Variants in UGGT2 observed in about 807,000 individuals in gnomAD.
The protein encoded by UGGT2 is UDP-glucose glycoprotein glucosyltransferase 2.
Under a neutral mutation model 192.1 loss-of-function variants are expected in UGGT2, and 180 were observed. That is an observed-to-expected ratio of 0.94 (90% confidence interval 0.83 to 1.06). The LOEUF (loss-of-function observed/expected upper bound fraction) is 1.06, where lower values mean the gene tolerates loss of function less well. UGGT2 is among the 50% of genes least tolerant of loss of function. The probability of loss-of-function intolerance (pLI) is 0.00; values close to 1 mark genes in which losing one functional copy is unlikely to be tolerated. For synonymous variants in UGGT2, 580 were observed against 591.0 expected, an observed-to-expected ratio of 0.98 and a Z score of 0.27; for missense variants, 1,849 against 1,795.7, an observed-to-expected ratio of 1.03 and a Z score of -0.54.
chr13:96,031,146 G>A (rs966081573), intron 2 of UGGT2, among the ~76,000 whole-genome samples: 26 of 152,074 alleles, frequency 1.7e-4, no homozygotes, highest in African/African-American at 5.6e-4. Flanking sequence ...TTATGTGTAG[G>A]GGAAGGGGGA....
At chr13:95,910,794 A>C (rs886893857) in intron 20 of UGGT2, among the ~76,000 whole-genome samples, 9 of 152,190 alleles carry the variant, frequency 5.9e-5, no homozygotes, top group African/African-American at 2.2e-4. Context: ...CATTCTTTGG[A>C]GCACCGCATT....
chr13:95,955,308 C>T (rs528420269), intron 12 of UGGT2, among the ~76,000 whole-genome samples: 6 of 152,230 alleles, frequency 3.9e-5, no homozygotes, highest in African/African-American at 7.2e-5. Context: ...TTACAAGTTA[C>T]GTGCACCTGG....
chr13:95,867,394 A>G lies in UGGT2; in HGVS notation c.3503T>C (p.Leu1168Pro). ...GTTTAATACAACAATGATATCTTCT[A>G]GGTCTGCTTGAGAGTCAGTTCCTTC... ...GHEGTDSQAD[L>P]EDIIVVLNSF... The change falls in exon 30 of 39, where the codon CTA becomes CCA. Residue 1168 changes from leucine (L) to proline (P), a missense_variant. Transcript: ENST00000376747. 6.2e-7 allele frequency: 1 copy of G among 1,609,036 alleles called. No homozygotes were observed. Among genetic ancestry groups the G allele is most frequent in the Non-Finnish European group, 8.5e-7 (1 of 1,178,218 alleles).
chr13:95,999,441 T>C lies in UGGT2; in HGVS notation c.661-134A>G, dbSNP rs2051727917. ...AAGGTTTTTAATCACTCTGAAAAAT[T>C]TGGGGGTTGTTTATATTGTCTCTAG... On this transcript the variant is annotated intron_variant, in intron 5 of 38. Transcript: ENST00000376747. 5 of 749,458 alleles carry C rather than the reference T, an allele frequency of 6.7e-6. No individual in the cohort carries two copies. In the Admixed American group the frequency reaches 7.6e-5, roughly 11 times the overall value. 46.4% of individuals were successfully genotyped at this position (749,458 alleles called of 1,614,324 possible).
At position 95,941,110 on chromosome 13, in the gene UGGT2, A is replaced by T. The variant is rs547185634; in HGVS notation, c.1678-1019T>A. ...CTTGAGTAGACGACTAAGCTGAGAC[A>T]TAAGTATGAACACTCAGCTAGCATT... On this transcript the variant is annotated intron_variant, in intron 15 of 38. Coordinates refer to ENST00000376747, the MANE Select transcript of UGGT2 (RefSeq NM_020121.4). 2.0e-5 allele frequency among the ~76,000 whole-genome samples: 3 copies of T among 152,336 alleles called. No homozygotes were observed. In the South Asian group the frequency reaches 6.2e-4, roughly 32 times the overall value.
In UGGT2 at chr13:96,023,606, A is replaced by AC. The variant is rs777572103; in HGVS notation, c.372+22dup. ...TTGCTAGCGTGCCTCTTTGTCAAAT[A>AC]CAGATTGGGTATTTTTACGCACCTG... On this transcript the variant is annotated intron_variant, in intron 3 of 38. Coordinates refer to ENST00000376747, the MANE Select transcript of UGGT2 (RefSeq NM_020121.4). 46 of 1,597,260 alleles carry AC rather than the reference A, an allele frequency of 2.9e-5. 1 individual carries two copies. In the South Asian group the frequency reaches 5.0e-4, roughly 17 times the overall value.
chr13:95,920,409 C>T (rs1310162024), intron 20 of UGGT2, among the ~76,000 whole-genome samples: 1 of 151,932 alleles, frequency 6.6e-6, no homozygotes, highest in Non-Finnish European at 1.5e-5. Context: ...TCAGAGAGAA[C>T]ACATAATCTA....
intron 36 of UGGT2, among the ~76,000 whole-genome samples, chr13:95,847,649 A>C (rs1045200165): frequency 2.0e-5 from 3 of 152,060 alleles, no homozygotes; most frequent in African/African-American, 7.2e-5. Flanking sequence ...ATTTCTTTTT[A>C]ACTCTTAATA....
intron 1 of UGGT2, among the ~76,000 whole-genome samples, chr13:96,035,679 G>A (rs569757713): frequency 1.6e-4 from 24 of 150,212 alleles, no homozygotes; most frequent in Admixed American, 4.7e-4. Context: ...GGTCTAACAT[G>A]CAAAGTCTAT....
intron 10 of UGGT2, among the ~76,000 whole-genome samples, chr13:95,980,308 C>T (rs528778738): frequency 1.2e-4 from 18 of 152,168 alleles, no homozygotes; most frequent in Non-Finnish European, 2.6e-4. Flanking sequence ...TTTGTGCAAC[C>T]TGGATGGAAT....
At chr13:95,842,578 A>AT (rs1443235496) in intron 36 of UGGT2, among the ~76,000 whole-genome samples, 1 of 151,982 alleles carries the variant, frequency 6.6e-6, no homozygotes, top group Non-Finnish European at 1.5e-5. Flanking sequence ...GTCTGGCTGG[A>AT]TCTAGTGACT....
intron 12 of UGGT2, among the ~76,000 whole-genome samples, chr13:95,952,572 G>A (rs1286585726): frequency 6.6e-6 from 1 of 151,896 alleles, no homozygotes; most frequent in African/African-American, 2.4e-5. Context: ...CTTTTTTTGA[G>A]TATTTTCATT....
At chr13:95,810,565 T>C (rs542338040) in intron 38 of UGGT2, among the ~76,000 whole-genome samples, 2 of 152,218 alleles carry the variant, frequency 1.3e-5, no homozygotes, top group African/African-American at 2.4e-5. Context: ...CTTTTTAGTC[T>C]TTTCAATATT....
intron 20 of UGGT2, among the ~76,000 whole-genome samples, chr13:95,923,164 A>G (rs2048901955): frequency 6.6e-6 from 1 of 151,932 alleles, no homozygotes; most frequent in African/African-American, 2.4e-5. Context: ...TGATCCTCCC[A>G]CCTCAGCCTC....
chr13:95,817,249 T>C (rs1884998385), intron 38 of UGGT2, among the ~76,000 whole-genome samples: 1 of 152,016 alleles, frequency 6.6e-6, no homozygotes, highest in Non-Finnish European at 1.5e-5. Flanking sequence ...AATCAGTAAG[T>C]ATAAGGGTAA....
intron 12 of UGGT2, among the ~76,000 whole-genome samples, chr13:95,960,441 T>A (rs1245064956): frequency 1.3e-5 from 2 of 151,978 alleles, no homozygotes; most frequent in African/African-American, 4.8e-5. Flanking sequence ...AGCAGTGGAC[T>A]AAATCAAGTA....
At chr13:95,807,102 G>A (rs1038225664) in intron 38 of UGGT2, among the ~76,000 whole-genome samples, 5 of 152,118 alleles carry the variant, frequency 3.3e-5, no homozygotes, top group African/African-American at 9.7e-5. Flanking sequence ...AAGCCTTAGA[G>A]ATAACATAAA....
intron 12 of UGGT2, among the ~76,000 whole-genome samples, chr13:95,965,854 C>T (rs182725574): frequency 1.3e-5 from 2 of 151,564 alleles, no homozygotes; most frequent in East Asian, 3.9e-4. Context: ...ATCATTTTAC[C>T]CCAGTTAGAA....
chr13:95,839,307 T>C (rs9561964), intron 36 of UGGT2, among the ~76,000 whole-genome samples: 56,099 of 151,974 alleles, frequency 0.37, 10,691 homozygotes, highest in Non-Finnish European at 0.42. Context: ...CTCATATCCT[T>C]CCCTAACCTC....
Sources: gnomAD v4.1 joint callset for allele counts (sites outside exome capture counted in the v4.1 genomes callset) on GRCh38, gnomAD v4.1.1 for gene constraint, MANE v1.5 for transcripts, NCBI Gene and HGNC (gene_info 2026-07-23, HGNC 2026-07-21) for gene names.